The following PLXNC1 variants were observed in gnomAD, a reference collection of about 807,000 sequenced individuals.
PLXNC1 encodes the protein plexin C1.
A neutral mutation model predicts 178.2 loss-of-function variants in PLXNC1; 75 were observed. That is an observed-to-expected ratio of 0.42 (90% CI 0.35 to 0.51). The LOEUF (loss-of-function observed/expected upper bound fraction) is 0.51, where lower values mean the gene tolerates loss of function less well. Among genes scored for constraint, PLXNC1 ranks in the 20% least tolerant of loss-of-function variants. The pLI, the probability that PLXNC1 is intolerant of heterozygous loss-of-function variation, is 0.02. For missense variants in PLXNC1, 1,503 were observed against 1,984.4 expected, an observed-to-expected ratio of 0.76 and a Z score of 4.61; for synonymous variants, 790 against 779.9, an observed-to-expected ratio of 1.01 and a Z score of -0.22.
chr12:94,187,094 C>T (rs1962540463), intron 4 of PLXNC1, among the ~76,000 whole-genome samples: 1 of 151,944 alleles, frequency 6.6e-6, no homozygotes, highest in African/African-American at 2.4e-5. Context: ...TTGGATTCGC[C>T]GTCGCCATGG....
intron 2 of PLXNC1, among the ~76,000 whole-genome samples, chr12:94,179,214 T>C (rs1389088818): frequency 6.6e-6 from 1 of 152,238 alleles, no homozygotes. Flanking sequence ...TATTATTGAT[T>C]AGTAGATGTG....
At chr12:94,299,852 C>T (rs1188642994) in intron 27 of PLXNC1, among the ~76,000 whole-genome samples, 2 of 152,136 alleles carry the variant, frequency 1.3e-5, no homozygotes, top group South Asian at 2.1e-4. Flanking sequence ...GAGCCACTGC[C>T]CCTGGCCTGT....
chr12:94,276,371 C>T (rs762670996), intron 21 of PLXNC1, among the ~76,000 whole-genome samples: 4 of 152,064 alleles, frequency 2.6e-5, no homozygotes, highest in Non-Finnish European at 4.4e-5. Flanking sequence ...ACACCCACCC[C>T]TCCCACTGGT....
chr12:94,274,155 TAAAAAAAAA>T (rs3060881), intron 21 of PLXNC1, among the ~76,000 whole-genome samples: 25 of 45,370 alleles, frequency 5.5e-4, no homozygotes, highest in Admixed American at 1.1e-3. Flanking sequence ...ACCCTGTCTC[TAAAAAAAAA>T]AAAAAAAAAA....
intron 10 of PLXNC1, 29 bp downstream of exon 10, chr12:94,237,832 C>A: frequency 6.2e-7 from 1 of 1,606,996 alleles, no homozygotes; most frequent in South Asian, 1.1e-5. Flanking sequence ...AATTTATCCT[C>A]GGTAACGTAA....
intron 10 of PLXNC1, among the ~76,000 whole-genome samples, chr12:94,238,127 T>C (rs1214827562): frequency 6.6e-6 from 1 of 152,186 alleles, no homozygotes; most frequent in Non-Finnish European, 1.5e-5. Flanking sequence ...CATCATTCTT[T>C]AGGTGATGCA....
intron 1 of PLXNC1, among the ~76,000 whole-genome samples, chr12:94,164,780 C>G (rs927435928): frequency 2.0e-5 from 3 of 152,234 alleles, no homozygotes; most frequent in Non-Finnish European, 2.9e-5. Flanking sequence ...AGCTCTTTCT[C>G]TCTTTCAGCC....
At chr12:94,236,118 A>G (rs943381787) in intron 9 of PLXNC1, among the ~76,000 whole-genome samples, 4 of 152,238 alleles carry the variant, frequency 2.6e-5, no homozygotes, top group Non-Finnish European at 5.9e-5. Flanking sequence ...ATAACAGAAT[A>G]ATTAAAGTGA....
At chr12:94,246,319 T>C (rs870034) in intron 12 of PLXNC1, among the ~76,000 whole-genome samples, 80,840 of 152,060 alleles carry the variant, frequency 0.53, 21,945 homozygotes, top group Non-Finnish European at 0.58. Flanking sequence ...GGGCTGACAG[T>C]AGCTCCCTTT....
chr12:94,208,685 C>T (rs184879905), intron 4 of PLXNC1, among the ~76,000 whole-genome samples: 3 of 152,320 alleles, frequency 2.0e-5, no homozygotes, highest in East Asian at 1.9e-4. Context: ...AGAAATATTT[C>T]GTTCTTTCCT....
intron 7 of PLXNC1, among the ~76,000 whole-genome samples, chr12:94,224,863 C>T (rs1300518502): frequency 6.6e-6 from 1 of 152,124 alleles, no homozygotes; most frequent in South Asian, 2.1e-4. Context: ...GCCGGGATGG[C>T]GCCCCGCATT....
rs773792357 is a variant in PLXNC1, at chr12:94,294,550, A to G, written c.3934+10A>G. ...GCAAATTTTACTTCAGGTAACCAAT[A>G]TAATATTGTTAACCTTTTGTTCTCA... On this transcript the variant is annotated intron_variant, in intron 24 of 30. Coordinates refer to ENST00000258526, the MANE Select transcript of PLXNC1 (RefSeq NM_005761.3). 1.6e-4 allele frequency: 185 copies of G among 1,171,292 alleles called. 1 individual carries two copies. The Admixed American group carries it at 1.9e-3, about 12-fold the overall frequency. The allele number at this position is 1,171,292 out of a possible 1,614,324, so 72.6% of individuals were successfully genotyped here. A position where few individuals can be genotyped will look rare whatever the true frequency, so the allele number is the denominator to read the frequency against.
chr12:94,205,405 A>G (rs1963268872), intron 4 of PLXNC1, among the ~76,000 whole-genome samples: 1 of 152,184 alleles, frequency 6.6e-6, no homozygotes, highest in African/African-American at 2.4e-5. Context: ...CTGCAATCTC[A>G]TTGTTTTCTG....
intron 15 of PLXNC1, among the ~76,000 whole-genome samples, chr12:94,253,213 A>AAG (rs1964746795): frequency 7.8e-6 from 1 of 128,200 alleles, no homozygotes; most frequent in Admixed American, 7.3e-5. Context: ...CCGTCTCAGA[A>AAG]AAAAAAAAAA....
chr12:94,248,391 C>A lies in PLXNC1; in HGVS notation c.2757C>A (p.Ala919=), dbSNP rs1443747247. ...GCATCAAGACTGCAAGCACCATTGC[C>A]AACTCTTCTAAGAAAGTTCGGGTAA... ...IKGIKTASTI[A]NSSKKVRVKL... is the part of the protein sequence containing the mutation. Residue 919 remains alanine, a synonymous_variant, in exon 14 of 31, where the codon GCC becomes GCA. Transcript: ENST00000258526. 1.2e-6 allele frequency: 2 copies of A among 1,606,844 alleles called. No individual in the cohort carries two copies. Among genetic ancestry groups the A allele is most frequent in the South Asian group, 2.2e-5 (2 of 89,048 alleles).
chr12:94,245,784 G>A (rs1371576801), intron 12 of PLXNC1, among the ~76,000 whole-genome samples: 1 of 152,158 alleles, frequency 6.6e-6, no homozygotes, highest in Non-Finnish European at 1.5e-5. Flanking sequence ...GGAACCTAGA[G>A]GGTGGGTCTG....
chr12:94,173,046 A>C (rs1961905225), intron 2 of PLXNC1, among the ~76,000 whole-genome samples: 1 of 152,126 alleles, frequency 6.6e-6, no homozygotes, highest in South Asian at 2.1e-4. Flanking sequence ...AGTTATGTCT[A>C]GTCACCCCCG....
chr12:94,181,610 A>G (rs1296609312), intron 3 of PLXNC1, 30 bp downstream of exon 3: 1 of 1,556,922 alleles, frequency 6.4e-7, no homozygotes, highest in Non-Finnish European at 8.8e-7. Flanking sequence ...ATTGCTTCTG[A>G]TTTATGAATA....
intron 4 of PLXNC1, among the ~76,000 whole-genome samples, chr12:94,196,703 C>T (rs1476720432): frequency 1.3e-5 from 2 of 152,200 alleles, no homozygotes; most frequent in East Asian, 3.8e-4. Flanking sequence ...AGGGAGCCTG[C>T]CTCGAGTCCA....
Sources: gnomAD v4.1 joint callset for allele counts (sites outside exome capture counted in the v4.1 genomes callset) on GRCh38, gnomAD v4.1.1 for gene constraint, MANE v1.5 for transcripts, NCBI Gene and HGNC (gene_info 2026-07-23, HGNC 2026-07-21) for gene names.